The following NVL variants were observed in gnomAD, a reference collection of about 807,000 sequenced individuals.
The protein encoded by NVL is nuclear valosin-containing protein-like.
In NVL, 84 loss-of-function variants were observed where a neutral mutation model predicts 110.2. That is an observed-to-expected ratio of 0.76 (90% CI 0.64 to 0.91). NVL has a LOEUF of 0.91. Among genes scored for constraint, NVL ranks in the 40% least tolerant of loss-of-function variants. The pLI is 0.00. For synonymous variants in NVL, 354 were observed against 361.1 expected, an observed-to-expected ratio of 0.98 and a Z score of 0.22; for missense variants, 882 against 1,035.9, an observed-to-expected ratio of 0.85 and a Z score of 2.04.
At chr1:224,232,462 G>A (rs1455897298) in intron 21 of NVL, among the ~76,000 whole-genome samples, 1 of 152,078 alleles carries the variant, frequency 6.6e-6, no homozygotes, top group South Asian at 2.1e-4. Context: ...TTGCAGCCTC[G>A]AACTCCTGGG....
At chr1:224,237,959 TTCAAAAAAA>T (rs757262335) in intron 19 of NVL, among the ~76,000 whole-genome samples, 8,519 of 83,316 alleles carry the variant, frequency 0.1, 472 homozygotes, top group East Asian at 0.4. Flanking sequence ...GAGACTTGGT[TTCAAAAAAA>T]AAAAAAAAAA....
intron 2 of NVL, among the ~76,000 whole-genome samples, chr1:224,325,875 C>T (rs971591298): frequency 6.6e-6 from 1 of 152,136 alleles, no homozygotes; most frequent in Non-Finnish European, 1.5e-5. Context: ...CAGCCTTGAC[C>T]TCCTGGGCTC....
In NVL at chr1:224,296,633, A is replaced by G. The variant is rs570954629; in HGVS notation, c.1063-15T>C. On this transcript the variant is annotated splice_polypyrimidine_tract_variant and intron_variant, in intron 10 of 22. Coordinates refer to ENST00000281701, the MANE Select transcript of NVL (RefSeq NM_002533.4). The stretch of plus-strand genomic sequence containing the variant: ...GGTGCATTTGACTAGAAATAAAAAT[A>G]TCACAAAAAGACAATCATAAATGCA... 5.4e-6 allele frequency: 8 copies of G among 1,487,640 alleles called. No homozygotes were observed. The Admixed American group carries it at 5.7e-5, about 11-fold the overall frequency. 92.2% of individuals were successfully genotyped at this position (1,487,640 alleles called of 1,614,324 possible).
At chr1:224,245,865 C>T (rs1156477687) in intron 19 of NVL, among the ~76,000 whole-genome samples, 2 of 151,982 alleles carry the variant, frequency 1.3e-5, no homozygotes, top group African/African-American at 4.8e-5. Context: ...GATCCGTCCA[C>T]CTTGGCCTCC....
At chr1:224,279,445 C>G (rs1038408635) in intron 16 of NVL, among the ~76,000 whole-genome samples, 2 of 152,040 alleles carry the variant, frequency 1.3e-5, no homozygotes, top group Non-Finnish European at 2.9e-5. Flanking sequence ...CAAAACAAAA[C>G]AAAAACCAAA....
Position 224,307,996 on chromosome 1 carries a change from T to C in NVL, c.610A>G (p.Ile204Val), listed in dbSNP as rs35095827. 7.5e-4 allele frequency: 1,141 copies of C among 1,519,678 alleles called. 7 individuals are homozygous for C. In the African/African-American group the frequency reaches 0.014, roughly 18 times the overall value. The allele number at this position is 1,519,678 out of a possible 1,614,324, so 94.1% of individuals were successfully genotyped here. Residue 204 changes from isoleucine (I) to valine (V), a missense_variant, in exon 6 of 23, where the codon ATA (isoleucine) becomes GTA (valine). By Grantham distance (29) the Ile-to-Val change is conservative. Coordinates refer to ENST00000281701, the MANE Select transcript of NVL (RefSeq NM_002533.4). ...KSNPKKPITE[I>V]QDSKDSSLLE... ...AAATTTCATTACAAAAATACCTGTA[T>C]CTCAGTTATTGGCTTCTTAGGATTA...
At chr1:224,233,076 G>A (rs766746931) in intron 21 of NVL, 125 bp downstream of exon 21, 1 of 715,210 alleles carries the variant, frequency 1.4e-6, no homozygotes, top group African/African-American at 1.8e-5. Flanking sequence ...GCTTCTAACA[G>A]TCTTATTAGA....
chr1:224,269,261 T>C (rs1055137271), intron 17 of NVL, among the ~76,000 whole-genome samples: 1 of 151,970 alleles, frequency 6.6e-6, no homozygotes, highest in African/African-American at 2.4e-5. Context: ...CTAATTTTCA[T>C]ATTTTTTCTA....
At chr1:224,244,879 G>A (rs1240411946) in intron 19 of NVL, among the ~76,000 whole-genome samples, 1 of 152,110 alleles carries the variant, frequency 6.6e-6, no homozygotes, top group African/African-American at 2.4e-5. Context: ...GTAGAGATGG[G>A]GTTTCACCAT....
Position 224,287,979 on chromosome 1 carries a change from C to T in NVL, c.1590G>A (p.Arg530=). 6.2e-7 allele frequency: 1 copy of T among 1,612,946 alleles called. No individual in the cohort carries two copies. The highest frequency in any genetic ancestry group is 1.3e-5 in the African/African-American group (1 of 74,986). Residue 530 remains arginine (R), a synonymous_variant, in exon 14 of 23, where the codon AGG becomes AGA. Coordinates refer to ENST00000281701, the MANE Select transcript of NVL (RefSeq NM_002533.4). ...PTSETQDELQ[R]LLGLLRDQDP... is the part of the protein sequence containing the mutation. ...CTTGGTCTCTTAGCAACCCCAGCAG[C>T]CTTTGTAATTCATCCTTGAAGGGAA...
At chr1:224,270,682 G>C (rs1664999559) in intron 17 of NVL, among the ~76,000 whole-genome samples, 1 of 152,006 alleles carries the variant, frequency 6.6e-6, no homozygotes, top group African/African-American at 2.4e-5. Flanking sequence ...TTCCATCATA[G>C]AGTACCAATT....
rs746035108 is a variant in NVL, at chr1:224,305,120, C to T, written c.662G>A (p.Gly221Asp). The change falls in exon 7 of 23, where the codon GGC becomes GAC. Residue 221 changes from glycine to aspartate, a missense_variant. Gly to Asp is a moderately conservative substitution (Grantham distance 94). Coordinates refer to ENST00000281701, the MANE Select transcript of NVL (RefSeq NM_002533.4). Reference protein sequence around the residue: ...SLLESDMKRKGKLKNKGSKRK... With the variant: ...SLLESDMKRKDKLKNKGSKRK... ...TTTGCTTCCTTTATTCTTTAGCTTG[C>T]CTTTCCGTTTCATATCACTCTCCAA... 2.5e-6 allele frequency: 4 copies of T among 1,613,498 alleles called. No individual in the cohort carries two copies. In the Admixed American group the frequency reaches 6.7e-5, roughly 27 times the overall value.
chr1:224,281,305 G>GTT, intron 15 of NVL, 120 bp from the exon 16 acceptor site: 1 of 791,926 alleles, frequency 1.3e-6, no homozygotes, highest in East Asian at 2.6e-5. Context: ...GTGTGTGTGT[G>GTT]TGTGTGTGAG....
At chr1:224,303,268 C>G (rs534734486) in intron 9 of NVL, among the ~76,000 whole-genome samples, 3 of 151,952 alleles carry the variant, frequency 2.0e-5, no homozygotes, top group Non-Finnish European at 4.4e-5. Context: ...AACCCCGTCT[C>G]TACTATAATA....
chr1:224,313,158 CA>C (rs760756328), intron 4 of NVL: 3,845 of 79,028 alleles, frequency 0.049, 59 homozygotes, highest in South Asian at 0.11. Context: ...GACGCTGTCT[CA>C]AAAAAAAAAA....
intron 16 of NVL, among the ~76,000 whole-genome samples, chr1:224,277,914 C>G (rs976899727): frequency 6.6e-6 from 1 of 152,166 alleles, no homozygotes; most frequent in Non-Finnish European, 1.5e-5. Flanking sequence ...ATCTTATGAC[C>G]AAGCACTTTC....
chr1:224,296,906 G>C (rs574312305), intron 10 of NVL, among the ~76,000 whole-genome samples: 1 of 152,022 alleles, frequency 6.6e-6, no homozygotes, highest in African/African-American at 2.4e-5. Flanking sequence ...TTGTAAATTA[G>C]ATACATTTGC....
At position 224,233,382 on chromosome 1, in the gene NVL, A is replaced by G. The variant is rs1012038541; in HGVS notation, c.2367-93T>C. ...ACAGTTTTCATATAAGTCATATATT[A>G]AATAATCAGGAGAAAAAGTGACCAA... On this transcript the variant is annotated intron_variant, in intron 20 of 22. Transcript: ENST00000281701. 3.5e-6 allele frequency: 3 copies of G among 857,086 alleles called. No individual in the cohort carries two copies. The African/African-American group carries it at 5.2e-5, about 15-fold the overall frequency. The allele number at this position is 857,086 out of a possible 1,614,324, so 53.1% of individuals were successfully genotyped here.
chr1:224,312,316 A>G (rs1296715083), intron 4 of NVL, among the ~76,000 whole-genome samples: 1 of 152,200 alleles, frequency 6.6e-6, no homozygotes, highest in Non-Finnish European at 1.5e-5. Flanking sequence ...CACAAAGTCA[A>G]CATGACCAAA....
Sources: allele counts gnomAD v4.1 joint callset (sites outside exome capture counted in the v4.1 genomes callset), GRCh38; gene constraint gnomAD v4.1.1; transcripts MANE v1.5; gene names NCBI Gene and HGNC (gene_info 2026-07-23, HGNC 2026-07-21).